DENND11: variants seen among roughly 807,000 people sequenced by gnomAD.
The protein encoded by DENND11 is DENN domain-containing protein 11.
A neutral mutation model predicts 49.2 loss-of-function variants in DENND11; 34 were observed. That is an observed-to-expected ratio of 0.69 (90% confidence interval 0.53 to 0.92). The LOEUF is 0.92. Among genes scored for constraint, DENND11 ranks in the 40% least tolerant of loss-of-function variants. DENND11 has a pLI of 0.00. For synonymous variants in DENND11, 238 were observed against 230.3 expected, an observed-to-expected ratio of 1.03 and a Z score of -0.30; for missense variants, 475 against 581.6, an observed-to-expected ratio of 0.82 and a Z score of 1.88.
chr7:141,666,190 G>T, intron 5 of DENND11, 97 bp downstream of exon 5: 1 of 1,352,108 alleles, frequency 7.4e-7, no homozygotes, highest in African/African-American at 1.5e-5. Flanking sequence ...CCCTGGATGT[G>T]GCCCAAGCTC....
rs35125206 is a variant in DENND11 at position 141,674,230 on chromosome 7, A to AACACACACACACACACAC, written c.528-28_528-11dup. The stretch of plus-strand genomic sequence containing the variant: ...CATCTCCAACTGGTGCCTGCAGAAA[A>AACACACACACACACACAC]ACACACACACACACACACACACACA... On this transcript the variant is annotated splice_polypyrimidine_tract_variant and intron_variant, in intron 3 of 8. Coordinates refer to ENST00000536163, the MANE Select transcript of DENND11 (RefSeq NM_001080392.2). 2.7e-4 allele frequency: 402 copies of AACACACACACACACACAC among 1,494,396 alleles called. 3 individuals are homozygous for AACACACACACACACACAC. In the Middle Eastern group the frequency reaches 3.7e-3, roughly 14 times the overall value. 92.6% of individuals were successfully genotyped at this position (1,494,396 alleles called of 1,614,324 possible).
chr7:141,666,064 T>C (rs1437977075), intron 5 of DENND11, among the ~76,000 whole-genome samples: 1 of 151,026 alleles, frequency 6.6e-6, no homozygotes, highest in Non-Finnish European at 1.5e-5. Context: ...GCATCTTCTC[T>C]GCTTTAATCC....
At chr7:141,694,759 A>G (rs1327293349) in intron 1 of DENND11, among the ~76,000 whole-genome samples, 1 of 129,264 alleles carries the variant, frequency 7.7e-6, no homozygotes, top group Non-Finnish European at 1.8e-5. Context: ...CAATCATGAA[A>G]AACACAAAGT....
intron 1 of DENND11, chr7:141,701,658 G>A (rs1798519639): frequency 3.7e-6 from 1 of 272,594 alleles, no homozygotes; most frequent in African/African-American, 2.3e-5. Flanking sequence ...AAAGCCCTCG[G>A]GGCCGCTCCG....
In DENND11 at chr7:141,657,571, G is replaced by A. The variant is rs1797717082; in HGVS notation, c.*5085C>T. 6.6e-6 allele frequency: 1 copy of A among 152,340 alleles called. No homozygotes were observed. Among genetic ancestry groups the A allele is most frequent in the East Asian group, 1.9e-4 (1 of 5,194 alleles). The allele number at this position is 152,340 out of a possible 1,614,324, so 9.4% of individuals were successfully genotyped here. Reference sequence around the variant, plus strand: ...TGCCTCATCCCCACATTCGCTGACTGGCCTTAGAAAGCAAAGTAAATTTAT... The same window carrying A: ...TGCCTCATCCCCACATTCGCTGACTAGCCTTAGAAAGCAAAGTAAATTTAT... On this transcript the variant is annotated 3_prime_UTR_variant, in exon 9 of 9. Coordinates refer to ENST00000536163, the MANE Select transcript of DENND11 (RefSeq NM_001080392.2).
At chr7:141,681,375 G>A (rs970760837) in intron 3 of DENND11, among the ~76,000 whole-genome samples, 3 of 152,180 alleles carry the variant, frequency 2.0e-5, no homozygotes, top group Non-Finnish European at 4.4e-5. Flanking sequence ...ACCCCACAGG[G>A]CTGGAAAAGC....
At chr7:141,673,882 T>G (rs1437489470) in intron 4 of DENND11, among the ~76,000 whole-genome samples, 185 bp downstream of exon 4, 1 of 152,204 alleles carries the variant, frequency 6.6e-6, no homozygotes, top group East Asian at 1.9e-4. Context: ...GAAAGCATAT[T>G]GTTTAAGATA....
In DENND11 at chr7:141,674,017, T is replaced by C. The variant is rs369646438; in HGVS notation, c.681+50A>G. On this transcript the variant is annotated intron_variant, in intron 4 of 8. Transcript: ENST00000536163. ...ATTAAAAAGTAATCAACAGCTACTA[T>C]TCCCAGATACAGATCCAGTATAGTG... The C allele has an allele frequency of 1.5e-5, 24 of 1,567,904 alleles. No homozygotes were observed. The East Asian group carries it at 4.9e-4, about 32-fold the overall frequency.
intron 3 of DENND11, among the ~76,000 whole-genome samples, chr7:141,675,100 T>C (rs998340585): frequency 1.8e-4 from 27 of 152,050 alleles, no homozygotes; most frequent in Non-Finnish European, 1.5e-5. Context: ...GTTACTGGAG[T>C]GGGCCCTGGT....
chr7:141,674,988 G>C (rs1463372518), intron 3 of DENND11, among the ~76,000 whole-genome samples: 1 of 152,160 alleles, frequency 6.6e-6, no homozygotes, highest in East Asian at 1.9e-4. Context: ...GGATGTTATA[G>C]GTTGAATTTT....
Position 141,658,387 on chromosome 7 carries a change from TG to T in DENND11, c.*4268del, listed in dbSNP as rs1382502147. On this transcript the variant is annotated 3_prime_UTR_variant, in exon 9 of 9. Coordinates refer to ENST00000536163, the MANE Select transcript of DENND11 (RefSeq NM_001080392.2). ...CCTTAACTCCTCCTCTCCCCCTACC[TG>T]AATCACAAAAGGGTTTTCCTGAAAT... 1 of 152,140 alleles carries T rather than the reference TG, an allele frequency of 6.6e-6. No individual in the cohort carries two copies. The highest frequency in any genetic ancestry group is 1.5e-5 in the Non-Finnish European group (1 of 68,024). 9.4% of individuals were successfully genotyped at this position (152,140 alleles called of 1,614,324 possible).
intron 1 of DENND11, among the ~76,000 whole-genome samples, chr7:141,694,436 A>G (rs1798378613): frequency 6.6e-6 from 1 of 151,814 alleles, no homozygotes; most frequent in Non-Finnish European, 1.5e-5. Context: ...AATTTTTTAA[A>G]TTTTTATAGA....
At chr7:141,671,489 G>T (rs1184934904) in intron 4 of DENND11, among the ~76,000 whole-genome samples, 1 of 151,584 alleles carries the variant, frequency 6.6e-6, no homozygotes, top group Non-Finnish European at 1.5e-5. Context: ...TTTTTATTTT[G>T]ATGTGCTGAC....
chr7:141,679,979 G>A lies in DENND11; in HGVS notation c.527+5499C>T, dbSNP rs148959057. 9.5e-4 allele frequency among the ~76,000 whole-genome samples: 145 copies of A among 152,258 alleles called. 1 individual carries two copies. The highest frequency in any genetic ancestry group is 1.8e-3 in the Non-Finnish European group (122 of 68,028). The stretch of plus-strand genomic sequence containing the variant: ...TGCATTACTACTGGGCATGCAAATG[G>A]CACAACCTCTATGGGAAGCAATTTG... On this transcript the variant is annotated intron_variant, in intron 3 of 8. Coordinates refer to ENST00000536163, the MANE Select transcript of DENND11 (RefSeq NM_001080392.2).
At position 141,660,862 on chromosome 7, in the gene DENND11, A is replaced by G. The variant is rs867676075; in HGVS notation, c.*1794T>C. 2 of 152,648 alleles carry G rather than the reference A, an allele frequency of 1.3e-5. No homozygotes were observed. Among genetic ancestry groups the G allele is most frequent in the South Asian group, 4.1e-4 (2 of 4,832 alleles). 9.5% of individuals were successfully genotyped at this position (152,648 alleles called of 1,614,324 possible). A position where few individuals can be genotyped will look rare whatever the true frequency, so the allele number is the denominator to read the frequency against. On this transcript the variant is annotated 3_prime_UTR_variant, in exon 9 of 9. Coordinates refer to ENST00000536163, the MANE Select transcript of DENND11 (RefSeq NM_001080392.2). Reference sequence around the variant, plus strand: ...ACAGATTTTTTTTTCTTTTGTAAACATACACATTACTGAAATGACAGCAAC... The same window carrying G: ...ACAGATTTTTTTTTCTTTTGTAAACGTACACATTACTGAAATGACAGCAAC...
intron 1 of DENND11, among the ~76,000 whole-genome samples, chr7:141,697,354 C>T (rs1798431142): frequency 6.6e-6 from 1 of 152,142 alleles, no homozygotes; most frequent in South Asian, 2.1e-4. Context: ...TCCCTGAAAA[C>T]CACAAGCAGG....
chr7:141,685,241 T>C (rs1023293677), intron 3 of DENND11, among the ~76,000 whole-genome samples: 45 of 151,978 alleles, frequency 3.0e-4, no homozygotes, highest in African/African-American at 1.1e-3. Flanking sequence ...GTGATGGTAG[T>C]ATTAAATCCA....
At chr7:141,695,940 G>A (rs181337843) in intron 1 of DENND11, among the ~76,000 whole-genome samples, 1 of 152,348 alleles carries the variant, frequency 6.6e-6, no homozygotes, top group Admixed American at 6.5e-5. Flanking sequence ...CATTCAGCTG[G>A]TCATTGAACA....
intron 1 of DENND11, among the ~76,000 whole-genome samples, chr7:141,689,294 C>G (rs1798289725): frequency 6.6e-6 from 1 of 152,096 alleles, no homozygotes; most frequent in South Asian, 2.1e-4. Context: ...GAGATCATGT[C>G]CTTTGCAGGG....
Sources: allele counts gnomAD v4.1 joint callset (sites outside exome capture counted in the v4.1 genomes callset), GRCh38; gene constraint gnomAD v4.1.1; transcripts MANE v1.5; gene names NCBI Gene and HGNC (gene_info 2026-07-23, HGNC 2026-07-21).